MAGI1: variants seen among roughly 807,000 people sequenced by gnomAD.
MAGI1 encodes membrane associated guanylate kinase, WW and PDZ domain containing 1, also known as membrane-associated guanylate kinase, WW and PDZ domain-containing protein 1.
A neutral mutation model predicts 139.9 loss-of-function variants in MAGI1; 58 were observed. That is an observed-to-expected ratio of 0.41 (90% CI 0.34 to 0.52). The LOEUF (loss-of-function observed/expected upper bound fraction) is 0.52. Among genes scored for constraint, MAGI1 ranks in the 20% least tolerant of loss-of-function variants. The pLI is 0.12. For missense variants in MAGI1, 1,874 were observed against 1,901.6 expected, an observed-to-expected ratio of 0.99 and a Z score of 0.27; for synonymous variants, 812 against 737.9, an observed-to-expected ratio of 1.10 and a Z score of -1.63.
At chr3:65,455,645 C>A (rs1949341681) in intron 5 of MAGI1, among the ~76,000 whole-genome samples, 1 of 152,084 alleles carries the variant, frequency 6.6e-6, no homozygotes, top group Non-Finnish European at 1.5e-5. Context: ...GCTGAGGTAG[C>A]AGGATCACCT....
chr3:65,621,849 C>T (rs949676503), intron 2 of MAGI1, 123 bp downstream of exon 2: 5 of 655,138 alleles, frequency 7.6e-6, no homozygotes, highest in Non-Finnish European at 1.3e-5. Context: ...GTTAAGGAGT[C>T]ACTCAGTAGG....
intron 1 of MAGI1, among the ~76,000 whole-genome samples, chr3:65,708,692 G>A (rs2030824459): frequency 7.1e-6 from 1 of 140,268 alleles, no homozygotes; most frequent in Admixed American, 7.0e-5. Flanking sequence ...AAAAGCAAAA[G>A]AAGAAAGAAG....
chr3:65,933,297 A>G (rs561480056), intron 1 of MAGI1, among the ~76,000 whole-genome samples: 11 of 152,308 alleles, frequency 7.2e-5, no homozygotes, highest in Admixed American at 2.0e-4. Flanking sequence ...TGTGGTTGCA[A>G]TCAAAATATT....
chr3:65,848,850 GCT>G (rs1257713938), intron 1 of MAGI1, among the ~76,000 whole-genome samples: 1 of 151,900 alleles, frequency 6.6e-6, no homozygotes. Flanking sequence ...AATGTTTCCA[GCT>G]CTCTGCTGCT....
chr3:65,850,443 A>C (rs1474127678), intron 1 of MAGI1, among the ~76,000 whole-genome samples: 1 of 152,170 alleles, frequency 6.6e-6, no homozygotes, highest in African/African-American at 2.4e-5. Context: ...TAGTCATCCT[A>C]ATGCAAAGAT....
intron 1 of MAGI1, among the ~76,000 whole-genome samples, chr3:65,794,605 C>T (rs1348169635): frequency 6.6e-6 from 1 of 151,888 alleles, no homozygotes; most frequent in East Asian, 1.9e-4. Flanking sequence ...CCAATGTCAG[C>T]CTCAGGAGCC....
intron 17 of MAGI1, among the ~76,000 whole-genome samples, chr3:65,378,448 G>C (rs1441855209): frequency 6.6e-6 from 1 of 152,150 alleles, no homozygotes; most frequent in African/African-American, 2.4e-5. Context: ...AGATGAGGCA[G>C]ACTAGCATCT....
At chr3:65,763,573 T>A (rs1029918027) in intron 1 of MAGI1, among the ~76,000 whole-genome samples, 4 of 151,744 alleles carry the variant, frequency 2.6e-5, no homozygotes, top group South Asian at 2.1e-4. Context: ...AACTGAGGCA[T>A]AAAGAAAAAA....
At chr3:65,507,209 C>A (rs1279014240) in intron 2 of MAGI1, among the ~76,000 whole-genome samples, 4 of 152,198 alleles carry the variant, frequency 2.6e-5, no homozygotes, top group Non-Finnish European at 5.9e-5. Flanking sequence ...TCTAGCCACA[C>A]AGCAGTATCA....
intron 1 of MAGI1, among the ~76,000 whole-genome samples, chr3:65,740,926 CT>C (rs1167049952): frequency 2.0e-5 from 3 of 152,134 alleles, no homozygotes; most frequent in African/African-American, 7.2e-5. Context: ...ATTTTTCCTT[CT>C]TTATGCTTTT....
chr3:65,518,372 C>G (rs757062323), intron 2 of MAGI1, among the ~76,000 whole-genome samples: 11 of 152,108 alleles, frequency 7.2e-5, no homozygotes, highest in Non-Finnish European at 1.5e-4. Flanking sequence ...GTGTCTGTCC[C>G]ACTACATCTT....
At chr3:65,456,248 A>T (rs1949380057) in intron 5 of MAGI1, among the ~76,000 whole-genome samples, 1 of 152,144 alleles carries the variant, frequency 6.6e-6, no homozygotes, top group African/African-American at 2.4e-5. Context: ...ATTTCCCTAG[A>T]GCTAACTAAT....
intron 1 of MAGI1, among the ~76,000 whole-genome samples, chr3:66,024,138 T>G (rs1333553975): frequency 6.6e-6 from 1 of 151,908 alleles, no homozygotes; most frequent in Non-Finnish European, 1.5e-5. Context: ...ATGCAATTAC[T>G]GCTTTTGGAG....
intron 1 of MAGI1, among the ~76,000 whole-genome samples, chr3:65,940,605 G>C (rs1395035254): frequency 6.6e-6 from 1 of 152,170 alleles, no homozygotes; most frequent in Non-Finnish European, 1.5e-5. Flanking sequence ...TGAGGGTTAT[G>C]ATTTCAACAT....
At chr3:65,608,776 ACTC>A (rs937807829) in intron 2 of MAGI1, among the ~76,000 whole-genome samples, 4 of 152,144 alleles carry the variant, frequency 2.6e-5, no homozygotes, top group Non-Finnish European at 5.9e-5. Flanking sequence ...CAGCAATTCT[ACTC>A]CTAGAATTGT....
intron 1 of MAGI1, among the ~76,000 whole-genome samples, chr3:65,937,559 G>A (rs1026581108): frequency 1.3e-5 from 2 of 152,122 alleles, no homozygotes; most frequent in Non-Finnish European, 2.9e-5. Context: ...GGCAGCCTCT[G>A]CGGTGTGAAG....
At chr3:65,771,316 A>G (rs1276438078) in intron 1 of MAGI1, among the ~76,000 whole-genome samples, 1 of 66,644 alleles carries the variant, frequency 1.5e-5, no homozygotes, top group East Asian at 7.3e-4. Context: ...CAATGTCTCA[A>G]AAAAAAAAAA....
At chr3:65,432,496 C>G (rs1947533052) in intron 10 of MAGI1, among the ~76,000 whole-genome samples, 1 of 152,174 alleles carries the variant, frequency 6.6e-6, no homozygotes, top group African/African-American at 2.4e-5. Context: ...CTGGCTCTTG[C>G]AAAGAAGGCT....
intron 1 of MAGI1, among the ~76,000 whole-genome samples, chr3:65,674,671 C>T (rs1166267372): frequency 6.6e-6 from 1 of 152,078 alleles, no homozygotes; most frequent in Non-Finnish European, 1.5e-5. Flanking sequence ...TTCACTTTTT[C>T]AGTATTCCCA....
Sources: gnomAD v4.1 joint callset for allele counts (sites outside exome capture counted in the v4.1 genomes callset) on GRCh38, gnomAD v4.1.1 for gene constraint, MANE v1.5 for transcripts, NCBI Gene and HGNC (gene_info 2026-07-23, HGNC 2026-07-21) for gene names.